Variants in SCAMP2 observed in about 807,000 individuals in gnomAD.
The protein encoded by SCAMP2 is secretory carrier membrane protein 2, also known as secretory carrier-associated membrane protein 2.
In SCAMP2, 25 loss-of-function variants were observed where a neutral mutation model predicts 44.1. The observed-to-expected ratio is 0.57, with a 90% CI of 0.41 to 0.79. The LOEUF (loss-of-function observed/expected upper bound fraction) is 0.79, where lower values mean the gene tolerates loss of function less well. SCAMP2 is among the 30% of genes least tolerant of loss of function. The probability of loss-of-function intolerance (pLI) is 0.00; values close to 1 mark genes in which losing one functional copy is unlikely to be tolerated. For synonymous variants in SCAMP2, 156 were observed against 166.0 expected, an observed-to-expected ratio of 0.94 and a Z score of 0.46; for missense variants, 355 against 411.0, an observed-to-expected ratio of 0.86 and a Z score of 1.18.
At chr15:74,845,298 G>C in intron 8 of SCAMP2, 81 bp from the exon 9 acceptor site, 4 of 1,589,234 alleles carry the variant, frequency 2.5e-6, no homozygotes, top group South Asian at 1.1e-5. Context: ...ACTCCCAAAG[G>C]GGTCACCAGA....
intron 2 of SCAMP2, 32 bp from the exon 3 acceptor site, chr15:74,854,151 G>A (rs1484566171): frequency 3.8e-6 from 6 of 1,587,488 alleles, no homozygotes; most frequent in Non-Finnish European, 4.3e-6. Context: ...ACAGAATTGA[G>A]TGGGACTCCA....
chr15:74,847,706 A>G (rs1482096709), intron 7 of SCAMP2, among the ~76,000 whole-genome samples: 1 of 152,210 alleles, frequency 6.6e-6, no homozygotes, highest in Non-Finnish European at 1.5e-5. Context: ...CCTTTCTGCA[A>G]TGCTCCCTGT....
chr15:74,854,486 G>T, intron 2 of SCAMP2, 95 bp downstream of exon 2: 1 of 1,059,750 alleles, frequency 9.4e-7, no homozygotes, highest in Non-Finnish European at 1.4e-6. Flanking sequence ...CCGCTTCTCA[G>T]AGCTGCTTCT....
At chr15:74,856,463 TG>T (rs1232051942) in intron 1 of SCAMP2, among the ~76,000 whole-genome samples, 2 of 151,498 alleles carry the variant, frequency 1.3e-5, no homozygotes, top group African/African-American at 4.9e-5. Context: ...TTAGTAGAGA[TG>T]GGGTTTCACC....
chr15:74,873,328 T>C lies in SCAMP2; in HGVS notation c.-73A>G. The C allele has an allele frequency of 7.4e-7, 1 of 1,355,058 alleles. No individual in the cohort carries two copies. The highest frequency in any genetic ancestry group is 9.7e-7 in the Non-Finnish European group (1 of 1,026,028). 83.9% of individuals were successfully genotyped at this position (1,355,058 alleles called of 1,614,324 possible). On this transcript the variant is annotated 5_prime_UTR_variant, in exon 1 of 9. Coordinates refer to ENST00000268099, the MANE Select transcript of SCAMP2 (RefSeq NM_005697.5). ...GGCACCCAGACCCAGCGGCGCTTCGTGTAGACCCTCCACTTCCGGGAGCGA... is the reference window on the plus strand; with the variant it reads ...GGCACCCAGACCCAGCGGCGCTTCGCGTAGACCCTCCACTTCCGGGAGCGA...
chr15:74,861,900 C>CAAAAAAAAAAAAAA (rs71140103), intron 1 of SCAMP2, among the ~76,000 whole-genome samples: 1 of 44,266 alleles, frequency 2.3e-5, no homozygotes, highest in Admixed American at 2.6e-4. Flanking sequence ...GACTCTGTCT[C>CAAAAAAAAAAAAAA]AAAAAAAAAA....
chr15:74,851,760 A>T (rs903991926), intron 4 of SCAMP2: 3 of 485,240 alleles, frequency 6.2e-6, no homozygotes, highest in African/African-American at 5.8e-5. Context: ...CAAGCAGCCC[A>T]TAAGTGTGAG....
At chr15:74,858,167 C>A (rs145385575) in intron 1 of SCAMP2, among the ~76,000 whole-genome samples, 44 of 152,284 alleles carry the variant, frequency 2.9e-4, no homozygotes, top group Non-Finnish European at 5.7e-4. Flanking sequence ...GGGAAGGAAG[C>A]TGACATTTAC....
chr15:74,848,543 A>G, intron 7 of SCAMP2, 57 bp downstream of exon 7: 2 of 1,155,962 alleles, frequency 1.7e-6, no homozygotes, highest in South Asian at 2.5e-5. Context: ...AAACAGGGCA[A>G]GAGAGGCTGA....
chr15:74,869,020 G>C (rs1350264060), intron 1 of SCAMP2, among the ~76,000 whole-genome samples: 1 of 152,126 alleles, frequency 6.6e-6, no homozygotes, highest in East Asian at 1.9e-4. Context: ...TGAGCGTGGT[G>C]GTGGGTGCCT....
At chr15:74,847,086 A>ATTTTTTTTTTTTTTT (rs34231883) in intron 7 of SCAMP2, among the ~76,000 whole-genome samples, 5 of 109,280 alleles carry the variant, frequency 4.6e-5, no homozygotes, top group Non-Finnish European at 7.1e-5. Context: ...TTGTCAGTTA[A>ATTTTTTTTTTTTTTT]TTTTTTTTTT....
chr15:74,861,939 G>C, intron 1 of SCAMP2, among the ~76,000 whole-genome samples: 1 of 144,374 alleles, frequency 6.9e-6, no homozygotes, highest in African/African-American at 2.5e-5. Context: ...GAAAAGAAAA[G>C]AAAAGGCTTT....
Position 74,858,598 on chromosome 15 carries a change from C to G in SCAMP2, c.58-3949G>C, listed in dbSNP as rs2064481880. Among the ~76,000 whole-genome samples, 3 of 152,042 alleles carry G rather than the reference C, an allele frequency of 2.0e-5. No homozygotes were observed. The South Asian group carries it at 6.2e-4, about 31-fold the overall frequency. ...TCTTAAGATCTCAGGGGTAGTGGCT[C>G]AGCCAGATTTTCAATCCAAGTCTGT... On this transcript the variant is annotated intron_variant, in intron 1 of 8. Coordinates refer to ENST00000268099, the MANE Select transcript of SCAMP2 (RefSeq NM_005697.5).
chr15:74,858,191 T>C (rs1489988875), intron 1 of SCAMP2, among the ~76,000 whole-genome samples: 1 of 152,082 alleles, frequency 6.6e-6, no homozygotes, highest in Non-Finnish European at 1.5e-5. Context: ...GTGTCTACGG[T>C]GTGCCAAACT....
chr15:74,854,142 C>T, intron 2 of SCAMP2, 23 bp from the exon 3 acceptor site: 1 of 1,603,378 alleles, frequency 6.2e-7, no homozygotes, highest in African/African-American at 1.3e-5. Flanking sequence ...AATCAAAAGA[C>T]AGAATTGAGT....
Position 74,849,812 on chromosome 15 carries a change from C to T in SCAMP2, c.632+702G>A, listed in dbSNP as rs904326257. Among the ~76,000 whole-genome samples the T allele has an allele frequency of 2.7e-5, 4 of 150,196 alleles. No individual in the cohort carries two copies. In the South Asian group the frequency reaches 8.6e-4, roughly 32 times the overall value. On this transcript the variant is annotated intron_variant, in intron 6 of 8. Coordinates refer to ENST00000268099, the MANE Select transcript of SCAMP2 (RefSeq NM_005697.5). ...CAATGAGAAAAAAACAAAACCTGTACATCTGACTGGAAGAAAAAAATATTT... is the reference window on the plus strand; with the variant it reads ...CAATGAGAAAAAAACAAAACCTGTATATCTGACTGGAAGAAAAAAATATTT...
At position 74,854,579 on chromosome 15, in the gene SCAMP2, A is replaced by G. The variant is rs761192515; in HGVS notation, c.126+2T>C. On this transcript the variant is annotated splice_donor_variant, in intron 2 of 8. Transcript: ENST00000268099. LOFTEE classifies it high-confidence loss of function. ...ACTTGGAAAGAGGGCCTGCTCACCA[A>G]CCTCTGAGAAGGGGTTGAATTCCGC... The G allele has an allele frequency of 1.9e-6, 3 of 1,597,422 alleles. No homozygotes were observed. The highest frequency in any genetic ancestry group is 1.1e-5 in the South Asian group (1 of 87,946).
At position 74,843,916 on chromosome 15, in the gene SCAMP2, A is replaced by C. The variant is rs6939; in HGVS notation, c.*1167T>G. 94,192 of 151,010 alleles carry C rather than the reference A, an allele frequency of 0.62. 29,945 individuals are homozygous for C. Among genetic ancestry groups the C allele is most frequent in the Middle Eastern group, 0.7 (202 of 288 alleles). The allele number at this position is 151,010 out of a possible 1,614,324, so 9.4% of individuals were successfully genotyped here. On this transcript the variant is annotated 3_prime_UTR_variant, in exon 9 of 9. Transcript: ENST00000268099. ...CCGGAGGCTAGTTTTGTGGGAAGGC[A>C]CCCCAGTCCACACACCCACTCGGCA...
At chr15:74,856,881 C>G (rs2064472242) in intron 1 of SCAMP2, among the ~76,000 whole-genome samples, 1 of 152,190 alleles carries the variant, frequency 6.6e-6, no homozygotes, top group South Asian at 2.1e-4. Context: ...CAAATGTGAG[C>G]CACCTTGCCC....
Sources: allele counts gnomAD v4.1 joint callset (sites outside exome capture counted in the v4.1 genomes callset), GRCh38; gene constraint gnomAD v4.1.1; transcripts MANE v1.5; gene names NCBI Gene and HGNC (gene_info 2026-07-23, HGNC 2026-07-21).